Variants in KCTD2 observed in about 807,000 individuals in gnomAD.
KCTD2 encodes BTB/POZ domain-containing protein KCTD2.
In KCTD2, 18 loss-of-function variants were observed where a neutral mutation model predicts 27.9. That is an observed-to-expected ratio of 0.64 (90% confidence interval 0.45 to 0.96). The LOEUF (loss-of-function observed/expected upper bound fraction) is 0.96, where lower values mean the gene tolerates loss of function less well. KCTD2 is among the 40% of genes least tolerant of loss of function. KCTD2 has a pLI of 0.00. For missense variants in KCTD2, 280 were observed against 348.0 expected (o/e 0.80, Z 1.56); for synonymous variants, 175 against 148.4 (o/e 1.18, Z -1.30).
At chr17:75,039,532 T>C (rs987167378) in intron 3 of KCTD2, 2 of 465,784 alleles carry the variant, frequency 4.3e-6, no homozygotes, top group Non-Finnish European at 7.8e-6. Flanking sequence ...ACCTACAGAA[T>C]GCCTGTTTTC....
rs1435011071 is a variant in KCTD2 at position 75,049,300 on chromosome 17, C to T, written c.420C>T (p.Leu140=). Reference sequence around the variant, plus strand: ...TCAACTACCTCCGCCACGGGAAACTCATCATCACTAAGGAGTTGGCAGAAG... The same window carrying T: ...TCAACTACCTCCGCCACGGGAAACTTATCATCACTAAGGAGTTGGCAGAAG... ...PILNYLRHGK[L]IITKELAEEG... The change falls in exon 2 of 6, where the codon CTC becomes CTT. Residue 140 remains leucine, a synonymous_variant. Coordinates refer to ENST00000322444, the MANE Select transcript of KCTD2 (RefSeq NM_015353.3). The T allele has an allele frequency of 6.2e-7, 1 of 1,612,794 alleles. No homozygotes were observed. Among genetic ancestry groups the T allele is most frequent in the Non-Finnish European group, 8.5e-7 (1 of 1,178,752 alleles).
At chr17:75,060,002 A>G (rs2073387429) in intron 4 of KCTD2, among the ~76,000 whole-genome samples, 1 of 152,150 alleles carries the variant, frequency 6.6e-6, no homozygotes, top group Admixed American at 6.6e-5. Flanking sequence ...TGTCTTATGT[A>G]ATCCACCGTG....
At chr17:75,035,143 A>G (rs916073556) in intron 2 of KCTD2, 1 of 152,060 alleles carries the variant, frequency 6.6e-6, no homozygotes, top group African/African-American at 2.4e-5. Flanking sequence ...AAGGCGTCTG[A>G]CTTCGGATCA....
At chr17:75,037,645 C>G (rs2073117118) in intron 3 of KCTD2, among the ~76,000 whole-genome samples, 1 of 152,216 alleles carries the variant, frequency 6.6e-6, no homozygotes, top group South Asian at 2.1e-4. Flanking sequence ...TAAATACTTG[C>G]ATTACTCTAT....
At chr17:75,033,878 G>A (rs1299139992) in intron 1 of KCTD2, among the ~76,000 whole-genome samples, 1 of 152,280 alleles carries the variant, frequency 6.6e-6, no homozygotes, top group Non-Finnish European at 1.5e-5. Flanking sequence ...CTTATGAGGG[G>A]AAGGGATGGC....
chr17:75,040,339 T>C (rs1362110160), intron 3 of KCTD2: 2 of 669,816 alleles, frequency 3.0e-6, no homozygotes, highest in Non-Finnish European at 2.6e-6. Flanking sequence ...AATACTGGAG[T>C]AGAAAGAATA....
At position 75,047,418 on chromosome 17, in the gene KCTD2, G is replaced by C. The variant is rs2073235706; in HGVS notation, c.168G>C (p.Glu56Asp). 1 of 1,249,434 alleles carries C rather than the reference G, an allele frequency of 8.0e-7. No individual in the cohort carries two copies. Among genetic ancestry groups the C allele is most frequent in the Non-Finnish European group, 1.0e-6 (1 of 994,002 alleles). 77.4% of individuals were successfully genotyped at this position (1,249,434 alleles called of 1,614,324 possible). Reference protein sequence around the residue: ...RPAAAVAQPLEPGPGPPERAG... With the variant: ...RPAAAVAQPLDPGPGPPERAG... The stretch of plus-strand genomic sequence containing the variant: ...CTGCCGCCGTCGCGCAGCCGCTGGA[G>C]CCGGGTCCCGGACCACCCGAGCGGG... The change falls in exon 1 of 6, where the codon GAG (glutamate) becomes GAC (aspartate). Residue 56 changes from glutamate (E) to aspartate (D), a missense_variant. Physicochemically the swap from Glu to Asp is conservative, Grantham distance 45. Transcript: ENST00000322444.
chr17:75,047,248 A>G lies in KCTD2; in HGVS notation c.-3A>G. Reference sequence around the variant, plus strand: ...GCAGCAGCGGTGGCGGCGGCGGTCCAAGATGGCGGAACTGCAGCTGGACCC... The same window carrying G: ...GCAGCAGCGGTGGCGGCGGCGGTCCGAGATGGCGGAACTGCAGCTGGACCC... On this transcript the variant is annotated 5_prime_UTR_variant, in exon 1 of 6. Transcript: ENST00000322444. The G allele has an allele frequency of 1.1e-6, 1 of 949,558 alleles. No individual in the cohort carries two copies. The highest frequency in any genetic ancestry group is 1.3e-6 in the Non-Finnish European group (1 of 743,734). The allele number at this position is 949,558 out of a possible 1,614,324, so 58.8% of individuals were successfully genotyped here.
intron 3 of KCTD2, among the ~76,000 whole-genome samples, chr17:75,055,475 G>C (rs1436599098): frequency 1.3e-5 from 2 of 151,858 alleles, no homozygotes; most frequent in South Asian, 2.1e-4. Flanking sequence ...CAGCACTCTG[G>C]GAGGCTGAGG....
chr17:75,053,857 G>GTTTT (rs1567992373), intron 3 of KCTD2, among the ~76,000 whole-genome samples: 1 of 79,532 alleles, frequency 1.3e-5, no homozygotes, highest in African/African-American at 8.2e-5. Flanking sequence ...TGTGAACCAT[G>GTTTT]CTTTTTTTTT....
rs2144944959 is a variant in KCTD2, at chr17:75,063,150, C to T, written c.*103C>T. 1 of 1,094,630 alleles carries T rather than the reference C, an allele frequency of 9.1e-7. No individual in the cohort carries two copies. Among genetic ancestry groups the T allele is most frequent in the South Asian group, 1.3e-5 (1 of 78,076 alleles). The allele number at this position is 1,094,630 out of a possible 1,614,324, so 67.8% of individuals were successfully genotyped here. ...CCAGTGACCGAGCCACTGCAAAGCA[C>T]AGCTGATCCTGGCCCCCTGTGAAGA... On this transcript the variant is annotated 3_prime_UTR_variant, in exon 6 of 6. Coordinates refer to ENST00000322444, the MANE Select transcript of KCTD2 (RefSeq NM_015353.3).
intron 3 of KCTD2, among the ~76,000 whole-genome samples, chr17:75,053,926 G>A (rs1264045234): frequency 7.6e-6 from 1 of 131,244 alleles, no homozygotes; most frequent in African/African-American, 3.0e-5. Flanking sequence ...GCCTCCCAAA[G>A]TGCTAGGATT....
intron 4 of KCTD2, among the ~76,000 whole-genome samples, chr17:75,059,989 G>A (rs2073387288): frequency 6.6e-6 from 1 of 152,122 alleles, no homozygotes; most frequent in African/African-American, 2.4e-5. Context: ...TTTTGGTTCT[G>A]AATGTCTTAT....
At chr17:75,034,416 C>T (rs1448605243) in intron 2 of KCTD2, among the ~76,000 whole-genome samples, 1 of 152,184 alleles carries the variant, frequency 6.6e-6, no homozygotes, top group Non-Finnish European at 1.5e-5. Flanking sequence ...ACCTTGCGAG[C>T]ACAGCCCCTC....
chr17:75,039,988 G>A (rs774895538), intron 3 of KCTD2: 82 of 1,186,672 alleles, frequency 6.9e-5, no homozygotes, highest in Non-Finnish European at 7.5e-5. Flanking sequence ...CCTTTATATG[G>A]CTGTTAACTC....
chr17:75,038,992 T>C, intron 3 of KCTD2: 1 of 1,614,184 alleles, frequency 6.2e-7, no homozygotes, highest in East Asian at 2.2e-5. Context: ...CTAATTTGGT[T>C]TCTGGGAAAG....
chr17:75,036,107 G>T, intron 3 of KCTD2: 1 of 450,146 alleles, frequency 2.2e-6, no homozygotes, highest in Admixed American at 2.4e-5. Context: ...AGGGTGGAGT[G>T]CAGTAGCGTG....
intron 3 of KCTD2, among the ~76,000 whole-genome samples, chr17:75,037,578 G>A (rs1272344726): frequency 6.6e-6 from 1 of 152,076 alleles, no homozygotes; most frequent in Non-Finnish European, 1.5e-5. Flanking sequence ...TGGGTTGTAG[G>A]CATAACAGGT....
In KCTD2 at chr17:75,035,976, T is replaced by G. The variant is rs892059153; in HGVS notation, c.-259+619T>G. On this transcript the variant is annotated intron_variant, in intron 3 of 7. Coordinates refer to the KCTD2 transcript ENST00000581589. ...CACCCACCACCCCACTACTCTGTGC[T>G]TGGAGGAAGAGGGTGTCAGGATGCA... The G allele has an allele frequency of 6.8e-6, 3 of 441,034 alleles. No individual in the cohort carries two copies. In the East Asian group the frequency reaches 2.1e-4, roughly 31 times the overall value. The allele number at this position is 441,034 out of a possible 1,614,324, so 27.3% of individuals were successfully genotyped here.
Sources: allele counts gnomAD v4.1 joint callset (sites outside exome capture counted in the v4.1 genomes callset), GRCh38; gene constraint gnomAD v4.1.1; transcripts MANE v1.5; gene names NCBI Gene and HGNC (gene_info 2026-07-23, HGNC 2026-07-21).